The following TRPV5 variants were observed in gnomAD, a reference collection of about 807,000 sequenced individuals.
TRPV5 encodes calcium transport protein 2.
A neutral mutation model predicts 74.1 loss-of-function variants in TRPV5; 66 were observed. The observed-to-expected ratio is 0.89, with a 90% CI of 0.73 to 1.09. TRPV5 has a LOEUF of 1.09. TRPV5 is among the 50% of genes least tolerant of loss of function. The pLI is 0.00. For synonymous variants in TRPV5, 399 were observed against 360.7 expected, an observed-to-expected ratio of 1.11 and a Z score of -1.20; for missense variants, 936 against 930.4, an observed-to-expected ratio of 1.01 and a Z score of -0.08.
At position 142,930,080 on chromosome 7, in the gene TRPV5, G is replaced by T. The variant is rs1392243584; in HGVS notation, c.327C>A (p.Pro109=). 22 of 1,613,978 alleles carry T rather than the reference G, an allele frequency of 1.4e-5. No homozygotes were observed. In the East Asian group the frequency reaches 4.9e-4, roughly 36 times the overall value. The change falls in exon 3 of 15, where the codon CCC becomes CCA. Residue 109 remains proline (P), a synonymous_variant. Coordinates refer to ENST00000265310, the MANE Select transcript of TRPV5 (RefSeq NM_019841.7). ...TACCTGCAAAAGCCTCACATGTGGT[G>T]GGCTCAAAGACCAGCTCTGGGGCAG... is the stretch of plus-strand genomic sequence containing the variant. ...MEAAPELVFE[P]TTCEAFAGQT...
intron 8 of TRPV5, 28 bp downstream of exon 8, chr7:142,925,501 T>A (rs1795969038): frequency 6.2e-7 from 1 of 1,612,184 alleles, no homozygotes; most frequent in Admixed American, 1.7e-5. Context: ...GATGCAATTC[T>A]CTCTCATCCC....
rs1256861183 is a variant in TRPV5 at position 142,929,335 on chromosome 7, A to T, written c.487+93T>A. ...GCTGCCCCTCTCAACTGCCCAACAG[A>T]TGGAGCTGAAGGCAGGACCCTCATG... On this transcript the variant is annotated intron_variant, in intron 4 of 14. Transcript: ENST00000265310. 1.9e-6 allele frequency: 3 copies of T among 1,560,410 alleles called. No individual in the cohort carries two copies. In the East Asian group the frequency reaches 6.8e-5, roughly 35 times the overall value.
intron 8 of TRPV5, among the ~76,000 whole-genome samples, chr7:142,920,655 C>G (rs1795868155): frequency 1.3e-5 from 2 of 152,208 alleles, no homozygotes; most frequent in Admixed American, 1.3e-4. Flanking sequence ...GCTGTCCTTG[C>G]TAGCTCAGTG....
At chr7:142,925,447 C>T (rs1164765249) in intron 8 of TRPV5, 82 bp downstream of exon 8, 55 of 1,462,142 alleles carry the variant, frequency 3.8e-5, no homozygotes, top group Non-Finnish European at 4.8e-5. Context: ...AGCGTGGCAT[C>T]GTCCCTGAGT....
chr7:142,923,798 T>C (rs576623478), intron 8 of TRPV5, among the ~76,000 whole-genome samples: 33 of 152,290 alleles, frequency 2.2e-4, no homozygotes, highest in African/African-American at 7.5e-4. Context: ...TAACTAGCCC[T>C]GTCCCAAAGA....
At position 142,930,107 on chromosome 7, in the gene TRPV5, C is replaced by T; in HGVS notation, c.300G>A (p.Glu100=). 4 of 1,614,194 alleles carry T rather than the reference C, an allele frequency of 2.5e-6. No homozygotes were observed. Among genetic ancestry groups the T allele is most frequent in the Non-Finnish European group, 2.5e-6 (3 of 1,180,040 alleles). Residue 100 remains glutamate (E), a synonymous_variant, in exon 3 of 15, where the codon GAG becomes GAA. Transcript: ENST00000265310. ...DNLEAALVLM[E]AAPELVFEPT... is the part of the protein sequence containing the mutation. ...GCTCAAAGACCAGCTCTGGGGCAGC[C>T]TCCATCAGCACCAAGGCCGCCTCCA... is the stretch of plus-strand genomic sequence containing the variant.
At chr7:142,914,787 G>T in intron 11 of TRPV5, 81 bp from the exon 12 acceptor site, 2 of 1,606,602 alleles carry the variant, frequency 1.2e-6, no homozygotes, top group Non-Finnish European at 1.7e-6. Flanking sequence ...AGATCAAGAG[G>T]CCCCCATAGT....
Position 142,926,987 on chromosome 7 carries a change from G to C in TRPV5, c.909+1101C>G, listed in dbSNP as rs1795999588. Among the ~76,000 whole-genome samples, 3 of 152,214 alleles carry C rather than the reference G, an allele frequency of 2.0e-5. No individual in the cohort carries two copies. In the South Asian group the frequency reaches 6.2e-4, roughly 32 times the overall value. On this transcript the variant is annotated intron_variant, in intron 7 of 14. Transcript: ENST00000265310. ...GAAACTACATCTTGGCACTCTCATG[G>C]AACGTTCTGAAACCTGGAAGTCTTT...
In TRPV5 at chr7:142,915,553, G is replaced by A. The variant is rs756957051; in HGVS notation, c.1138C>T (p.Arg380Cys). 8.1e-6 allele frequency: 13 copies of A among 1,614,126 alleles called. No individual in the cohort carries two copies. The Admixed American group carries it at 1.0e-4, about 12-fold the overall frequency. ...QKLLQEAYET[R>C]EDIIRLVGEL... ...CCCACCAGCCTGATGATATCTTCAC[G>A]TGTCTCATAGGCCTCCTATGTGGGG... is the stretch of plus-strand genomic sequence containing the variant. The change falls in exon 9 of 15, where the codon CGT becomes TGT. Residue 380 changes from arginine to cysteine, a missense_variant. Arg to Cys is a radical substitution (Grantham distance 180). Transcript: ENST00000265310.
intron 13 of TRPV5, 116 bp downstream of exon 13, chr7:142,912,366 A>G: frequency 1.5e-6 from 2 of 1,377,606 alleles, no homozygotes; most frequent in South Asian, 2.8e-5. Flanking sequence ...TTCTGAGGTG[A>G]CAGCCTCACT....
At chr7:142,932,945 G>A (rs1413505432) in intron 1 of TRPV5, among the ~76,000 whole-genome samples, 1 of 152,156 alleles carries the variant, frequency 6.6e-6, no homozygotes, top group East Asian at 1.9e-4. Context: ...TCAAATGAAT[G>A]GCGTTTCCTT....
At chr7:142,929,993 T>C (rs1796057381) in intron 3 of TRPV5, 65 bp downstream of exon 3, 1 of 1,610,066 alleles carries the variant, frequency 6.2e-7, no homozygotes, top group African/African-American at 1.3e-5. Flanking sequence ...AGGCCAATTT[T>C]AAGAGACAAC....
chr7:142,932,255 C>A (rs570778047), intron 1 of TRPV5, among the ~76,000 whole-genome samples: 1 of 152,148 alleles, frequency 6.6e-6, no homozygotes, highest in Non-Finnish European at 1.5e-5. Context: ...ATCCCCACTG[C>A]CCCTCTGCAG....
intron 1 of TRPV5, among the ~76,000 whole-genome samples, chr7:142,930,885 C>T (rs540770311): frequency 1.3e-5 from 2 of 152,092 alleles, no homozygotes; most frequent in African/African-American, 4.8e-5. Context: ...AATCTACTGT[C>T]TTTAACCAAG....
At position 142,908,318 on chromosome 7, in the gene TRPV5, A is replaced by C. The variant is rs943060713; in HGVS notation, c.*196T>G. 6.2e-6 allele frequency: 4 copies of C among 640,014 alleles called. No homozygotes were observed. The African/African-American group carries it at 7.3e-5, about 12-fold the overall frequency. 39.6% of individuals were successfully genotyped at this position (640,014 alleles called of 1,614,324 possible). A position where few individuals can be genotyped will look rare whatever the true frequency, so the allele number is the denominator to read the frequency against. Reference sequence around the variant, plus strand: ...CTTGCAAGAGCCCAGAAAATACGTGAGACAATCGATGACCATTGCCCATTG... The same window carrying C: ...CTTGCAAGAGCCCAGAAAATACGTGCGACAATCGATGACCATTGCCCATTG... On this transcript the variant is annotated 3_prime_UTR_variant, in exon 15 of 15. Coordinates refer to ENST00000265310, the MANE Select transcript of TRPV5 (RefSeq NM_019841.7).
At chr7:142,928,408 C>T (rs1796024907) in intron 6 of TRPV5, among the ~76,000 whole-genome samples, 174 bp from the exon 7 acceptor site, 1 of 152,118 alleles carries the variant, frequency 6.6e-6, no homozygotes. Context: ...GCTCCAAAAC[C>T]CCAGAAAGTG....
intron 8 of TRPV5, among the ~76,000 whole-genome samples, chr7:142,919,198 C>A (rs548031870): frequency 6.6e-5 from 10 of 152,192 alleles, no homozygotes; most frequent in South Asian, 2.1e-4. Context: ...GTATTGACAG[C>A]CCTCTCCCAG....
chr7:142,929,734 C>T (rs1796052319), intron 3 of TRPV5, among the ~76,000 whole-genome samples, 169 bp from the exon 4 acceptor site: 2 of 152,160 alleles, frequency 1.3e-5, no homozygotes, highest in South Asian at 4.1e-4. Context: ...CCTCAGGCTG[C>T]CCTGCTCATT....
At chr7:142,926,991 G>A (rs532469797) in intron 7 of TRPV5, among the ~76,000 whole-genome samples, 2 of 152,316 alleles carry the variant, frequency 1.3e-5, no homozygotes, top group Non-Finnish European at 2.9e-5. Flanking sequence ...CTCATGGAAC[G>A]TTCTGAAACC....
Sources: gnomAD v4.1 joint callset for allele counts (sites outside exome capture counted in the v4.1 genomes callset) on GRCh38, gnomAD v4.1.1 for gene constraint, MANE v1.5 for transcripts, NCBI Gene and HGNC (gene_info 2026-07-23, HGNC 2026-07-21) for gene names.